Variants in VAX2 observed in about 807,000 individuals in gnomAD.
VAX2 encodes ventral anterior homeobox 2.
A neutral mutation model predicts 12.5 loss-of-function variants in VAX2; 8 were observed. The ratio of observed to expected loss-of-function variants is 0.64; its 90% confidence interval spans 0.37 to 1.15. VAX2 has a LOEUF of 1.15. Ranked by LOEUF, VAX2 falls within the 50% of genes most tolerant of loss-of-function variation. The pLI is 0.01. For missense variants in VAX2, 476 were observed against 412.9 expected (o/e 1.15, Z -1.32); for synonymous variants, 183 against 187.6 (o/e 0.98, Z 0.20).
chr2:70,932,789 G>C lies in VAX2; in HGVS notation c.458G>C (p.Arg153Pro), dbSNP rs145503713. 12 of 1,568,610 alleles carry C rather than the reference G, an allele frequency of 7.7e-6. No individual in the cohort carries two copies. The highest frequency in any genetic ancestry group is 2.3e-5 in the East Asian group (1 of 42,664). The change falls in exon 3 of 3, where the codon CGC (arginine) becomes CCC (proline). Residue 153 changes from arginine (R) to proline (P), a missense_variant. Arg to Pro is a moderately radical substitution (Grantham distance 103). Transcript: ENST00000234392. The stretch of plus-strand genomic sequence containing the variant: ...AAGGTGAAGGTCTGGTTCCAGAACC[G>C]CCGCACCAAGCAGAAGAAAGACCAG... ...ETQVKVWFQN[R>P]RTKQKKDQSR...
chr2:70,905,938 T>G (rs1679047803), intron 1 of VAX2, among the ~76,000 whole-genome samples: 1 of 152,250 alleles, frequency 6.6e-6, no homozygotes, highest in Admixed American at 6.5e-5. Flanking sequence ...ACCCCTTGGC[T>G]GCAGGCTCCC....
chr2:70,930,722 C>CATG (rs1553414195), intron 2 of VAX2, among the ~76,000 whole-genome samples: 1 of 152,252 alleles, frequency 6.6e-6, no homozygotes, highest in East Asian at 1.9e-4. Flanking sequence ...CCTGGGCAGC[C>CATG]CTCTGGCTCA....
chr2:70,923,792 C>T (rs1329928454), intron 2 of VAX2, among the ~76,000 whole-genome samples: 1 of 134,454 alleles, frequency 7.4e-6, no homozygotes, highest in East Asian at 2.6e-4. Context: ...CCCAGCACTT[C>T]CACGTGTTCG....
rs1446163443 is a variant in VAX2 at position 70,904,063 on chromosome 2, T to TGATA, written c.247+3197_247+3200dup. ...TGGGCACGGACCAGAGCTGCTGAGA[T>TGATA]GATAGGCCGGGCGCATAACAGGCAC... On this transcript the variant is annotated intron_variant, in intron 1 of 2. Coordinates refer to ENST00000234392, the MANE Select transcript of VAX2 (RefSeq NM_012476.3). This position sits in a 1 kb window ranked among gnomAD's most constrained non-coding sequence, Gnocchi z 4.2. Among the ~76,000 whole-genome samples the TGATA allele has an allele frequency of 6.6e-6, 1 of 152,194 alleles. No homozygotes were observed. The highest frequency in any genetic ancestry group is 1.5e-5 in the Non-Finnish European group (1 of 68,046).
chr2:70,908,234 G>A lies in VAX2; in HGVS notation c.247+7366G>A, dbSNP rs193168631. ...TTTTTTCAGACATCAGGAGATGGGA[G>A]GTCTCACTATTTTGGGTTTAAGCTG... On this transcript the variant is annotated intron_variant, in intron 1 of 2. Coordinates refer to ENST00000234392, the MANE Select transcript of VAX2 (RefSeq NM_012476.3). 2.1e-3 allele frequency among the ~76,000 whole-genome samples: 315 copies of A among 152,240 alleles called. 3 individuals carry two copies. Among genetic ancestry groups the A allele is most frequent in the African/African-American group, 7.4e-3 (307 of 41,528 alleles).
At chr2:70,910,294 A>G (rs565117294) in intron 1 of VAX2, among the ~76,000 whole-genome samples, 10 of 152,146 alleles carry the variant, frequency 6.6e-5, no homozygotes, top group Non-Finnish European at 1.0e-4. Flanking sequence ...AATATTTGAA[A>G]TTTGTCATAA....
chr2:70,901,321 G>A (rs1678918652), intron 1 of VAX2, among the ~76,000 whole-genome samples: 1 of 152,258 alleles, frequency 6.6e-6, no homozygotes, highest in South Asian at 2.1e-4. Flanking sequence ...GTGCTTCCTC[G>A]CCTCCTGCCT....
chr2:70,922,951 C>G (rs57946156), intron 2 of VAX2, among the ~76,000 whole-genome samples: 35,348 of 152,130 alleles, frequency 0.23, 4,732 homozygotes, highest in Non-Finnish European at 0.31. Flanking sequence ...TTCCAGGAAG[C>G]CTTCTGCAGG....
At chr2:70,927,217 G>T (rs1679592962) in intron 2 of VAX2, among the ~76,000 whole-genome samples, 1 of 152,038 alleles carries the variant, frequency 6.6e-6, no homozygotes, top group South Asian at 2.1e-4. Context: ...CAGGGTCCAA[G>T]TAGGACATAA....
intron 1 of VAX2, among the ~76,000 whole-genome samples, chr2:70,917,590 T>C (rs1182363710): frequency 6.6e-6 from 1 of 152,200 alleles, no homozygotes; most frequent in African/African-American, 2.4e-5. Context: ...TTAATTTGCC[T>C]TTCCCTGATG....
At chr2:70,916,432 T>C (rs1229522778) in intron 1 of VAX2, among the ~76,000 whole-genome samples, 1 of 152,204 alleles carries the variant, frequency 6.6e-6, no homozygotes, top group African/African-American at 2.4e-5. Flanking sequence ...TATGACATTT[T>C]ATTACATATA....
chr2:70,929,560 G>A (rs1332860832), intron 2 of VAX2, among the ~76,000 whole-genome samples: 2 of 151,958 alleles, frequency 1.3e-5, no homozygotes, highest in South Asian at 2.1e-4. Flanking sequence ...GATGGCACAC[G>A]CCTATAATCC....
At chr2:70,907,142 A>G (rs782778768) in intron 1 of VAX2, among the ~76,000 whole-genome samples, 1 of 152,248 alleles carries the variant, frequency 6.6e-6, no homozygotes, top group Non-Finnish European at 1.5e-5. Flanking sequence ...AACAGTGATC[A>G]TGGCAGAACA....
rs781900122 is a variant in VAX2 at position 70,904,076 on chromosome 2, G to T, written c.247+3208G>T. 4.7e-4 allele frequency among the ~76,000 whole-genome samples: 72 copies of T among 152,188 alleles called. No individual in the cohort carries two copies. The highest frequency in any genetic ancestry group is 3.9e-4 in the Admixed American group (6 of 15,284). On this transcript the variant is annotated intron_variant, in intron 1 of 2. Coordinates refer to ENST00000234392, the MANE Select transcript of VAX2 (RefSeq NM_012476.3). The surrounding 1 kb of genome is among the most constrained non-coding windows in gnomAD (Gnocchi z 4.2). ...GAGCTGCTGAGATGATAGGCCGGGC[G>T]CATAACAGGCACCCCGCACATCGCA... is the stretch of plus-strand genomic sequence containing the variant.
intron 2 of VAX2, among the ~76,000 whole-genome samples, chr2:70,924,526 G>C (rs74914397): frequency 0.04 from 6,027 of 152,082 alleles, 390 homozygotes; most frequent in African/African-American, 0.13. Context: ...ACTTTAAATA[G>C]AAGGAAACTG....
At chr2:70,906,520 C>CTTTTT (rs869309305) in intron 1 of VAX2, among the ~76,000 whole-genome samples, 1,245 of 60,582 alleles carry the variant, frequency 0.021, 254 homozygotes, top group African/African-American at 0.041. Flanking sequence ...TTTTCTTTTC[C>CTTTTT]TTTTTTTTTT....
intron 1 of VAX2, among the ~76,000 whole-genome samples, chr2:70,915,540 A>T (rs1553411840): frequency 6.6e-6 from 1 of 152,174 alleles, no homozygotes; most frequent in Non-Finnish European, 1.5e-5. Flanking sequence ...TACAGCCTCC[A>T]GTTTTGCAGC....
At chr2:70,932,718 G>T in intron 2 of VAX2, 49 bp from the exon 3 acceptor site, 7 of 1,112,122 alleles carry the variant, frequency 6.3e-6, no homozygotes, top group South Asian at 1.9e-5. Flanking sequence ...CCCCCACTTT[G>T]CTTTGCCTGT....
chr2:70,933,167 T>C lies in VAX2; in HGVS notation c.836T>C (p.Val279Ala), dbSNP rs1241574984. Reference sequence around the variant, plus strand: ...CCATACAGCTGGCTAGAACGGAAAGTGGGCAGCGCCAGCAGCTGCAAGAAA... The same window carrying C: ...CCATACAGCTGGCTAGAACGGAAAGCGGGCAGCGCCAGCAGCTGCAAGAAA... Reference protein sequence around the residue: ...FEPYSWLERKVGSASSCKKAN... With the variant: ...FEPYSWLERKAGSASSCKKAN... The change falls in exon 3 of 3, where the codon GTG becomes GCG. Residue 279 changes from valine to alanine, a missense_variant. Coordinates refer to ENST00000234392, the MANE Select transcript of VAX2 (RefSeq NM_012476.3). The C allele has an allele frequency of 3.2e-6, 5 of 1,540,832 alleles. No homozygotes were observed. The African/African-American group carries it at 6.9e-5, about 21-fold the overall frequency.
Sources: gnomAD v4.1 joint callset for allele counts (sites outside exome capture counted in the v4.1 genomes callset) on GRCh38, gnomAD v4.1.1 for gene constraint, Gnocchi (gnomAD v3.1) non-coding constraint, MANE v1.5 for transcripts, NCBI Gene and HGNC (gene_info 2026-07-23, HGNC 2026-07-21) for gene names.